Variants in ADAMTS4 observed in about 807,000 individuals in gnomAD.
The protein encoded by ADAMTS4 is A disintegrin and metalloproteinase with thrombospondin motifs 4.
ADAMTS4 carries 38 observed loss-of-function variants against 66.7 expected under a neutral mutation model. The observed-to-expected ratio is 0.57, with a 90% CI of 0.44 to 0.75. The LOEUF is 0.75. ADAMTS4 is among the 30% of genes least tolerant of loss of function. ADAMTS4 has a pLI of 0.00. For synonymous variants in ADAMTS4, 418 were observed against 461.5 expected (o/e 0.91, Z 1.21); for missense variants, 1,014 against 1,116.7 (o/e 0.91, Z 1.31).
chr1:161,192,181 G>A lies in ADAMTS4; in HGVS notation c.1971C>T (p.Cys657=), dbSNP rs1332548210. ...TGATGCGATCACAGCCAGCATGGATGCATCGGCCCTGGACACAGACCGAGG... is the reference window on the plus strand; with the variant it reads ...TGATGCGATCACAGCCAGCATGGATACATCGGCCCTGGACACAGACCGAGG... ...DSSSVCVQGR[C]IHAGCDRIIG... The change falls in exon 8 of 9, where the codon TGC becomes TGT. Residue 657 remains cysteine (C), a synonymous_variant. Coordinates refer to ENST00000367996, the MANE Select transcript of ADAMTS4 (RefSeq NM_005099.6). 3 of 1,614,180 alleles carry A rather than the reference G, an allele frequency of 1.9e-6. No individual in the cohort carries two copies. Among genetic ancestry groups the A allele is most frequent in the Admixed American group, 1.7e-5 (1 of 60,024 alleles).
Position 161,191,502 on chromosome 1 carries a change from T to G in ADAMTS4, c.2150A>C (p.Gln717Pro). 6.2e-7 allele frequency: 1 copy of G among 1,614,058 alleles called. No homozygotes were observed. Among genetic ancestry groups the G allele is most frequent in the Non-Finnish European group, 8.5e-7 (1 of 1,179,916 alleles). The change falls in exon 9 of 9, where the codon CAG (glutamine) becomes CCG (proline). Residue 717 changes from glutamine (Q) to proline (P), a missense_variant. Physicochemically the swap from Gln to Pro is moderately conservative, Grantham distance 76. Transcript: ENST00000367996. Reference protein sequence around the residue: ...AGATHILVRQQGNPGHRSIYL... With the variant: ...AGATHILVRQPGNPGHRSIYL... Reference sequence around the variant, plus strand: ...GATGCTCCGGTGGCCAGGGTTTCCCTGCTGCCGGACAAGAATGTGGGTGGC... The same window carrying G: ...GATGCTCCGGTGGCCAGGGTTTCCCGGCTGCCGGACAAGAATGTGGGTGGC...
chr1:161,192,298 A>C, intron 7 of ADAMTS4, 58 bp from the exon 8 acceptor site: 2 of 1,542,050 alleles, frequency 1.3e-6, no homozygotes, highest in Non-Finnish European at 1.8e-6. Context: ...AGGGGTTGGT[A>C]AATCAAACGA....
chr1:161,191,001 G>T lies in ADAMTS4; in HGVS notation c.*137C>A. On this transcript the variant is annotated 3_prime_UTR_variant, in exon 9 of 9. Coordinates refer to ENST00000367996, the MANE Select transcript of ADAMTS4 (RefSeq NM_005099.6). Reference sequence around the variant, plus strand: ...GGGCAGGGCCAGCCTGCGCATTAGGGCAGAGAGGAGGGGCAGGTCTCACGC... The same window carrying T: ...GGGCAGGGCCAGCCTGCGCATTAGGTCAGAGAGGAGGGGCAGGTCTCACGC... 9.7e-7 allele frequency: 1 copy of T among 1,026,652 alleles called. No homozygotes were observed. The highest frequency in any genetic ancestry group is 1.6e-5 in the African/African-American group (1 of 62,348). The allele number at this position is 1,026,652 out of a possible 1,614,324, so 63.6% of individuals were successfully genotyped here.
At position 161,198,636 on chromosome 1, in the gene ADAMTS4, T is replaced by C; in HGVS notation, c.-9A>G. The C allele has an allele frequency of 6.7e-7, 1 of 1,497,744 alleles. No homozygotes were observed. 92.8% of individuals were successfully genotyped at this position (1,497,744 alleles called of 1,614,324 possible). A position where few individuals can be genotyped will look rare whatever the true frequency, so the allele number is the denominator to read the frequency against. ...GAGCCTGTCTGGGACATGGCACTGG[T>C]ACTGCAGCTGGGAGGGACTGAGGCC... On this transcript the variant is annotated 5_prime_UTR_variant, in exon 1 of 9. Transcript: ENST00000367996. This position sits in a 1 kb window ranked among gnomAD's most constrained non-coding sequence, Gnocchi z 4.7.
In ADAMTS4 at chr1:161,191,441, G is replaced by A. The variant is rs772298173; in HGVS notation, c.2211C>T (p.Ala737=). 8.7e-6 allele frequency: 14 copies of A among 1,614,172 alleles called. No homozygotes were observed. The South Asian group carries it at 1.4e-4, about 16-fold the overall frequency. ...LALKLPDGSY[A]LNGEYTLMPS... ...GCATCAGCGTGTATTCACCATTGAG[G>A]GCATAGGAGCCATCTGGCAGCTTCA... The change falls in exon 9 of 9, where the codon GCC becomes GCT. Residue 737 remains alanine (A), a synonymous_variant. Transcript: ENST00000367996.
Position 161,198,681 on chromosome 1 carries a change from C to T in ADAMTS4, c.-54G>A. 1 of 1,420,490 alleles carries T rather than the reference C, an allele frequency of 7.0e-7. No individual in the cohort carries two copies. The highest frequency in any genetic ancestry group is 9.3e-7 in the Non-Finnish European group (1 of 1,074,968). 88.0% of individuals were successfully genotyped at this position (1,420,490 alleles called of 1,614,324 possible). A position where few individuals can be genotyped will look rare whatever the true frequency, so the allele number is the denominator to read the frequency against. On this transcript the variant is annotated 5_prime_UTR_variant, in exon 1 of 9. Coordinates refer to ENST00000367996, the MANE Select transcript of ADAMTS4 (RefSeq NM_005099.6). This position sits in a 1 kb window ranked among gnomAD's most constrained non-coding sequence, Gnocchi z 4.7. ...GAGGCCGTCTAGGGCACCAAGTCCTCCACACCCTAGCTTTGGAAAGCTCCT... is the reference window on the plus strand; with the variant it reads ...GAGGCCGTCTAGGGCACCAAGTCCTTCACACCCTAGCTTTGGAAAGCTCCT...
chr1:161,193,463 AACTCTAG>A lies in ADAMTS4; in HGVS notation c.1736-82_1736-76del. ...CACATCCCTCCACCCAACCCCTGAG[AACTCTAG>A]ACAGCACAGCTCTGCTCTTCCCTGC... On this transcript the variant is annotated intron_variant, in intron 6 of 8. Transcript: ENST00000367996. The surrounding 1 kb of genome is among the most constrained non-coding windows in gnomAD (Gnocchi z 4.4). The A allele has an allele frequency of 6.4e-7, 1 of 1,560,396 alleles. No individual in the cohort carries two copies. Among genetic ancestry groups the A allele is most frequent in the Non-Finnish European group, 8.7e-7 (1 of 1,149,934 alleles).
chr1:161,196,943 T>G, intron 1 of ADAMTS4, 63 bp from the exon 2 acceptor site: 10 of 1,417,178 alleles, frequency 7.1e-6, no homozygotes, highest in Non-Finnish European at 8.6e-6. Flanking sequence ...GTCGGTCGAT[T>G]CTCCAATCCC....
At position 161,193,152 on chromosome 1, in the gene ADAMTS4, A is replaced by C; in HGVS notation, c.1911+61T>G. On this transcript the variant is annotated intron_variant, in intron 7 of 8. Coordinates refer to ENST00000367996, the MANE Select transcript of ADAMTS4 (RefSeq NM_005099.6). The surrounding 1 kb of genome is among the most constrained non-coding windows in gnomAD (Gnocchi z 4.4). ...TGGGTGATCTTTGTTATCAGAAAGC[A>C]GAGGGAGCACTGCGGGTGTGTGTGA... 15 of 1,524,414 alleles carry C rather than the reference A, an allele frequency of 9.8e-6. No individual in the cohort carries two copies. Among genetic ancestry groups the C allele is most frequent in the Non-Finnish European group, 1.2e-5 (13 of 1,128,882 alleles). The allele number at this position is 1,524,414 out of a possible 1,614,324, so 94.4% of individuals were successfully genotyped here.
Position 161,191,407 on chromosome 1 carries a change from T to G in ADAMTS4, c.2245A>C (p.Thr749Pro), listed in dbSNP as rs1363228313. ...NGEYTLMPSP[T>P]DVVLPGAVSL... ...ACTGCCCCAGGCAGTACCACATCTG[T>G]GGGGGAGGGCATCAGCGTGTATTCA... is the stretch of plus-strand genomic sequence containing the variant. Residue 749 changes from threonine to proline, a missense_variant, in exon 9 of 9, where the codon ACA (threonine) becomes CCA (proline). Transcript: ENST00000367996. 1 of 1,614,014 alleles carries G rather than the reference T, an allele frequency of 6.2e-7. No homozygotes were observed. The highest frequency in any genetic ancestry group is 1.1e-5 in the South Asian group (1 of 91,084).
intron 7 of ADAMTS4, 66 bp from the exon 8 acceptor site, chr1:161,192,306 C>A: frequency 1.3e-6 from 2 of 1,507,710 alleles, no homozygotes; most frequent in Non-Finnish European, 1.8e-6. Flanking sequence ...GTAAATCAAA[C>A]GAGACCCATG....
Position 161,190,761 on chromosome 1 carries a change from G to A in ADAMTS4, c.*377C>T, listed in dbSNP as rs532607532. On this transcript the variant is annotated 3_prime_UTR_variant, in exon 9 of 9. Coordinates refer to ENST00000367996, the MANE Select transcript of ADAMTS4 (RefSeq NM_005099.6). ...CCAGGGTGAGGGCTATGAGGGGTCA[G>A]GGGTCAGGTTCCCCAGGACCCTAGT... 87 of 195,248 alleles carry A rather than the reference G, an allele frequency of 4.5e-4. No individual in the cohort carries two copies. The highest frequency in any genetic ancestry group is 1.7e-3 in the African/African-American group (72 of 43,182). 12.1% of individuals were successfully genotyped at this position (195,248 alleles called of 1,614,324 possible).
rs962098851 is a variant in ADAMTS4 at position 161,193,506 on chromosome 1, G to A, written c.1736-118C>T. ...TCTGCTCTTCCCTGCAGACGGCCAAGGACAATTCCCAGAGGTTAAAGGCAC... is the reference window on the plus strand; with the variant it reads ...TCTGCTCTTCCCTGCAGACGGCCAAAGACAATTCCCAGAGGTTAAAGGCAC... On this transcript the variant is annotated intron_variant, in intron 6 of 8. Transcript: ENST00000367996. The surrounding 1 kb of genome is among the most constrained non-coding windows in gnomAD (Gnocchi z 4.4). The A allele has an allele frequency of 3.3e-6, 5 of 1,519,278 alleles. No individual in the cohort carries two copies. The African/African-American group carries it at 6.9e-5, about 21-fold the overall frequency. 94.1% of individuals were successfully genotyped at this position (1,519,278 alleles called of 1,614,324 possible). A position where few individuals can be genotyped will look rare whatever the true frequency, so the allele number is the denominator to read the frequency against.
rs751197275 is a variant in ADAMTS4 at position 161,198,195 on chromosome 1, C to G, written c.433G>C (p.Asp145His). The change falls in exon 1 of 9, where the codon GAT (aspartate) becomes CAT (histidine). Residue 145 changes from aspartate (D) to histidine (H), a missense_variant. Asp to His is a moderately conservative substitution (Grantham distance 81). Transcript: ENST00000367996. The surrounding 1 kb of genome is among the most constrained non-coding windows in gnomAD (Gnocchi z 4.7). ...AACACGCCTAACAGGGCTCCCCCAT[C>G]CCAGTGCAGAGATGCCACCGACTCC... ...DPESVASLHW[D>H]GGALLGVLQY... 7.4e-6 allele frequency: 12 copies of G among 1,613,982 alleles called. No individual in the cohort carries two copies. The highest frequency in any genetic ancestry group is 8.5e-6 in the Non-Finnish European group (10 of 1,179,990).
Position 161,190,955 on chromosome 1 carries a change from G to A in ADAMTS4, c.*183C>T. On this transcript the variant is annotated 3_prime_UTR_variant, in exon 9 of 9. Transcript: ENST00000367996. Reference sequence around the variant, plus strand: ...CCCTTCCATCCACTAACCCATCACTGCCTCCCAGGGCAGGAAACCAGGGCA... The same window carrying A: ...CCCTTCCATCCACTAACCCATCACTACCTCCCAGGGCAGGAAACCAGGGCA... 1.6e-6 allele frequency: 1 copy of A among 634,606 alleles called. No individual in the cohort carries two copies. The highest frequency in any genetic ancestry group is 2.9e-5 in the South Asian group (1 of 34,640). The allele number at this position is 634,606 out of a possible 1,614,324, so 39.3% of individuals were successfully genotyped here.
In ADAMTS4 at chr1:161,196,823, C is replaced by G; in HGVS notation, c.691G>C (p.Ala231Pro). The part of the protein sequence containing the change: ...ETLVVADDKM[A>P]AFHGAGLKRY... ...TTTAGCCCCGCACCGTGGAATGCGG[C>G]CATCTTGTCATCTGCCACCACCAGT... Residue 231 changes from alanine to proline, a missense_variant, in exon 2 of 9, where the codon GCC (alanine) becomes CCC (proline). Ala to Pro is a conservative substitution (Grantham distance 27). Coordinates refer to ENST00000367996, the MANE Select transcript of ADAMTS4 (RefSeq NM_005099.6). 6.2e-7 allele frequency: 1 copy of G among 1,609,964 alleles called. No individual in the cohort carries two copies. The highest frequency in any genetic ancestry group is 8.5e-7 in the Non-Finnish European group (1 of 1,179,762).
intron 8 of ADAMTS4, 148 bp from the exon 9 acceptor site, chr1:161,191,712 A>G (rs371092098): frequency 4.8e-6 from 4 of 833,514 alleles, no homozygotes; most frequent in Non-Finnish European, 7.4e-6. Flanking sequence ...TCAGAGCTAC[A>G]TGCACATGTG....
rs761593745 is a variant in ADAMTS4 at position 161,193,243 on chromosome 1, T to C, written c.1881A>G (p.Ala627=). 1.9e-6 allele frequency: 3 copies of C among 1,613,870 alleles called. No homozygotes were observed. The Admixed American group carries it at 5.0e-5, about 27-fold the overall frequency. ...DQCKLTCQAQ[A]LGYYYVLEPR... ...GCTCCAGCACATAGTAGTAGCCCAG[T>C]GCCTGGGCCTGGCAGGTGAGTTTGC... Residue 627 remains alanine (A), a synonymous_variant, in exon 7 of 9, where the codon GCA becomes GCG. Coordinates refer to ENST00000367996, the MANE Select transcript of ADAMTS4 (RefSeq NM_005099.6). The surrounding 1 kb of genome is among the most constrained non-coding windows in gnomAD (Gnocchi z 4.4).
chr1:161,195,620 A>C lies in ADAMTS4; in HGVS notation c.1106T>G (p.Met369Arg). The C allele has an allele frequency of 6.2e-7, 1 of 1,612,890 alleles. No homozygotes were observed. The highest frequency in any genetic ancestry group is 8.5e-7 in the Non-Finnish European group (1 of 1,179,388). ...GCATGGCTTGGAGTTGTCATGGAGCATGTTGAAGACATGACCTGTGGGAGC... is the reference window on the plus strand; with the variant it reads ...GCATGGCTTGGAGTTGTCATGGAGCCTGTTGAAGACATGACCTGTGGGAGC... ...AAHELGHVFN[M>R]LHDNSKPCIS... The change falls in exon 4 of 9, where the codon ATG (methionine) becomes AGG (arginine). Residue 369 changes from methionine to arginine, a missense_variant. Physicochemically the swap from Met to Arg is moderately conservative, Grantham distance 91 (BLOSUM62 -1). Coordinates refer to ENST00000367996, the MANE Select transcript of ADAMTS4 (RefSeq NM_005099.6).
Sources: allele counts gnomAD v4.1 joint callset, GRCh38; gene constraint gnomAD v4.1.1; non-coding constraint Gnocchi (gnomAD v3.1); transcripts MANE v1.5; gene names NCBI Gene and HGNC (gene_info 2026-07-23, HGNC 2026-07-21).